The following ERI3 variants were observed in gnomAD, a reference collection of about 807,000 sequenced individuals.
ERI3 encodes the protein ERI1 exoribonuclease 3.
ERI3 carries 18 observed loss-of-function variants against 44.4 expected under a neutral mutation model. The observed-to-expected ratio is 0.41, with a 90% CI of 0.28 to 0.60. The LOEUF is 0.60. Ranked by LOEUF, ERI3 falls within the 20% of genes least tolerant of loss-of-function variation. The pLI is 0.36. For synonymous variants in ERI3, 183 were observed against 164.8 expected (o/e 1.11, Z -0.84); for missense variants, 294 against 435.5 (o/e 0.68, Z 2.89).
At chr1:44,263,514 C>T (rs567164619) in intron 7 of ERI3, among the ~76,000 whole-genome samples, 4 of 152,316 alleles carry the variant, frequency 2.6e-5, no homozygotes, top group African/African-American at 4.8e-5. Flanking sequence ...TAGCCTCAGC[C>T]GGAGTCAACT....
chr1:44,331,210 G>A (rs181092709), intron 3 of ERI3, among the ~76,000 whole-genome samples: 2 of 152,052 alleles, frequency 1.3e-5, no homozygotes, highest in African/African-American at 4.8e-5. Flanking sequence ...TAATCTCAAT[G>A]TTAGTCAGCC....
At chr1:44,353,011 A>G (rs1045178379) in intron 1 of ERI3, 86 bp from the exon 2 acceptor site, 3 of 1,586,838 alleles carry the variant, frequency 1.9e-6, no homozygotes, top group Non-Finnish European at 2.6e-6. Flanking sequence ...CTCAAACTCT[A>G]AACTCAAACT....
rs148171725 is a variant in ERI3 at position 44,252,428 on chromosome 1, C to A, written c.832-4390G>T. Reference sequence around the variant, plus strand: ...GCGACGGGCCTGCCGCATAGCCCTGCTGTAGGTGCGGCGGGTGGCCCCCTG... The same window carrying A: ...GCGACGGGCCTGCCGCATAGCCCTGATGTAGGTGCGGCGGGTGGCCCCCTG... On this transcript the variant is annotated intron_variant, in intron 7 of 8. Transcript: ENST00000372257. This position sits in a 1 kb window ranked among gnomAD's most constrained non-coding sequence, Gnocchi z 4.7. Among the ~76,000 whole-genome samples the A allele has an allele frequency of 2.0e-5, 3 of 152,362 alleles. No individual in the cohort carries two copies. The East Asian group carries it at 5.8e-4, about 29-fold the overall frequency.
At chr1:44,296,567 A>G (rs926198067) in intron 6 of ERI3, among the ~76,000 whole-genome samples, 1 of 152,190 alleles carries the variant, frequency 6.6e-6, no homozygotes, top group Non-Finnish European at 1.5e-5. Context: ...TCCCTCCACA[A>G]TCTGGGTCCA....
intron 7 of ERI3, among the ~76,000 whole-genome samples, chr1:44,260,666 G>A (rs2154319980): frequency 6.6e-6 from 1 of 152,312 alleles, no homozygotes; most frequent in South Asian, 2.1e-4. Context: ...ACTGAAAAAT[G>A]AGGGACTTTA....
chr1:44,231,222 A>T (rs1190381201), intron 8 of ERI3, among the ~76,000 whole-genome samples: 1 of 152,210 alleles, frequency 6.6e-6, no homozygotes, highest in African/African-American at 2.4e-5. Flanking sequence ...GCAGTCAAAA[A>T]GTTTCGAATT....
Position 44,314,913 on chromosome 1 carries a change from G to A in ERI3, c.607-1685C>T, listed in dbSNP as rs928916156. Among the ~76,000 whole-genome samples the A allele has an allele frequency of 3.3e-5, 5 of 152,276 alleles. No individual in the cohort carries two copies. In the South Asian group the frequency reaches 1.0e-3, roughly 32 times the overall value. ...GAGAGCCTCTACATCTTCCAGAGCC[G>A]CAAACCGAGCAGGCAGTTGCCCTGT... On this transcript the variant is annotated intron_variant, in intron 4 of 8. Coordinates refer to ENST00000372257, the MANE Select transcript of ERI3 (RefSeq NM_024066.3).
chr1:44,258,878 G>A (rs1400319049), intron 7 of ERI3, among the ~76,000 whole-genome samples: 1 of 152,172 alleles, frequency 6.6e-6, no homozygotes, highest in African/African-American at 2.4e-5. Flanking sequence ...AAAAAAGGAT[G>A]AGAAGGTTGA....
intron 3 of ERI3, among the ~76,000 whole-genome samples, chr1:44,324,981 T>C (rs161720): frequency 0.27 from 40,951 of 152,002 alleles, 5,697 homozygotes; most frequent in South Asian, 0.41. Context: ...GTAGATCTTT[T>C]GTTGAGGAGA....
chr1:44,245,131 C>T (rs1272182283), intron 8 of ERI3, among the ~76,000 whole-genome samples: 5 of 152,156 alleles, frequency 3.3e-5, no homozygotes, highest in Admixed American at 6.5e-5. Flanking sequence ...ACTCTTACAG[C>T]GCGACCCTTT....
intron 3 of ERI3, among the ~76,000 whole-genome samples, chr1:44,322,479 A>C (rs1646224045): frequency 6.6e-6 from 1 of 152,062 alleles, no homozygotes; most frequent in Non-Finnish European, 1.5e-5. Flanking sequence ...TTATAAACAT[A>C]TCTCTGATAA....
intron 7 of ERI3, among the ~76,000 whole-genome samples, chr1:44,272,396 T>C (rs1192916551): frequency 6.6e-6 from 1 of 152,074 alleles, no homozygotes; most frequent in Non-Finnish European, 1.5e-5. Context: ...GCTCCAAAGC[T>C]CTTCCTTTGC....
intron 8 of ERI3, among the ~76,000 whole-genome samples, chr1:44,226,987 T>C (rs980759117): frequency 3.3e-5 from 5 of 152,264 alleles, no homozygotes; most frequent in South Asian, 2.1e-4. Flanking sequence ...TCCCCACCCT[T>C]TTGAAACGAC....
At chr1:44,288,426 G>C (rs970635515) in intron 6 of ERI3, among the ~76,000 whole-genome samples, 3 of 152,102 alleles carry the variant, frequency 2.0e-5, no homozygotes, top group Non-Finnish European at 1.5e-5. Context: ...AGAGACATAG[G>C]GTCAAATGCC....
At chr1:44,337,609 G>A (rs1646561616) in intron 3 of ERI3, among the ~76,000 whole-genome samples, 1 of 152,136 alleles carries the variant, frequency 6.6e-6, no homozygotes, top group African/African-American at 2.4e-5. Flanking sequence ...CCAGCTCCTG[G>A]GTTCCCAGCC....
In ERI3 at chr1:44,332,911, C is replaced by CCCA. The variant is rs374110260; in HGVS notation, c.489+6131_489+6133dup. Among the ~76,000 whole-genome samples, 421 of 152,350 alleles carry CCCA rather than the reference C, an allele frequency of 2.8e-3. 1 individual carries two copies. Among genetic ancestry groups the CCCA allele is most frequent in the African/African-American group, 9.7e-3 (402 of 41,564 alleles). On this transcript the variant is annotated intron_variant, in intron 3 of 8. Coordinates refer to ENST00000372257, the MANE Select transcript of ERI3 (RefSeq NM_024066.3). ...AAGGGGCCTAGTGGGCCACCCCATT[C>CCCA]CCACCATCACTGGCCATCAATAGAG...
At chr1:44,354,475 A>G (rs1056399041) in intron 1 of ERI3, 1 of 985,262 alleles carries the variant, frequency 1.0e-6, no homozygotes, top group African/African-American at 1.7e-5. Flanking sequence ...CAAGACAGGC[A>G]AACAGAAAGC....
chr1:44,269,787 G>A (rs560588661), intron 7 of ERI3, among the ~76,000 whole-genome samples: 12 of 152,206 alleles, frequency 7.9e-5, no homozygotes, highest in Non-Finnish European at 1.6e-4. Context: ...TATGGAAGGA[G>A]AGAAACTGAA....
chr1:44,283,816 C>A lies in ERI3; in HGVS notation c.831+1019G>T, dbSNP rs191978414. Among the ~76,000 whole-genome samples the A allele has an allele frequency of 3.9e-4, 60 of 152,250 alleles. 1 individual carries two copies. Among genetic ancestry groups the A allele is most frequent in the African/African-American group, 1.4e-3 (58 of 41,540 alleles). On this transcript the variant is annotated intron_variant, in intron 7 of 8. Transcript: ENST00000372257. Reference sequence around the variant, plus strand: ...CCTCCACATGTTTGCTTAGCTCCAGCCCCCACACACACCAAAAGCATGCTG... The same window carrying A: ...CCTCCACATGTTTGCTTAGCTCCAGACCCCACACACACCAAAAGCATGCTG...
Sources: gnomAD v4.1 joint callset for allele counts (sites outside exome capture counted in the v4.1 genomes callset) on GRCh38, gnomAD v4.1.1 for gene constraint, Gnocchi (gnomAD v3.1) non-coding constraint, MANE v1.5 for transcripts, NCBI Gene and HGNC (gene_info 2026-07-23, HGNC 2026-07-21) for gene names.